The following KIF9 variants were observed in gnomAD, a reference collection of about 807,000 sequenced individuals.
KIF9 encodes the protein kinesin family member 9.
KIF9 carries 68 observed loss-of-function variants against 94.8 expected under a neutral mutation model. That is an observed-to-expected ratio of 0.72 (90% CI 0.59 to 0.88). The LOEUF (loss-of-function observed/expected upper bound fraction) is 0.88, where lower values mean the gene tolerates loss of function less well. KIF9 is among the 40% of genes least tolerant of loss of function. KIF9 has a pLI of 0.00. For missense variants in KIF9, 882 were observed against 982.5 expected (o/e 0.90, Z 1.37); for synonymous variants, 343 against 362.1 (o/e 0.95, Z 0.60).
intron 10 of KIF9, among the ~76,000 whole-genome samples, chr3:47,251,931 C>T (rs1248618546): frequency 2.0e-5 from 3 of 152,236 alleles, no homozygotes; most frequent in African/African-American, 2.4e-5. Context: ...TCACAGAGGA[C>T]GACCCTGAGG....
chr3:47,274,607 G>A (rs548956886), intron 3 of KIF9, among the ~76,000 whole-genome samples: 2 of 152,336 alleles, frequency 1.3e-5, no homozygotes, highest in African/African-American at 4.8e-5. Flanking sequence ...TGAACAGGAA[G>A]GAGTCACTTC....
chr3:47,261,692 G>T (rs1482425187), intron 9 of KIF9, among the ~76,000 whole-genome samples: 4 of 152,214 alleles, frequency 2.6e-5, no homozygotes, highest in Admixed American at 1.3e-4. Context: ...ACCACTGACA[G>T]ATCTCACATC....
intron 10 of KIF9, among the ~76,000 whole-genome samples, chr3:47,248,934 C>CA: frequency 6.6e-6 from 1 of 152,202 alleles, no homozygotes; most frequent in East Asian, 1.9e-4. Context: ...AGGGGTCCTA[C>CA]TATGTTGCCC....
intron 17 of KIF9, among the ~76,000 whole-genome samples, chr3:47,239,172 C>A (rs1267897934): frequency 6.6e-6 from 1 of 152,154 alleles, no homozygotes; most frequent in African/African-American, 2.4e-5. Context: ...TGCACTCCAG[C>A]CTGGGCAACA....
At chr3:47,241,341 G>C (rs937284813) in intron 16 of KIF9, among the ~76,000 whole-genome samples, 4 of 149,452 alleles carry the variant, frequency 2.7e-5, no homozygotes, top group Non-Finnish European at 5.9e-5. Flanking sequence ...TTTTTCTCGA[G>C]ACAGAGTTTT....
rs936267528 is a variant in KIF9, at chr3:47,281,660, C to T, written c.-6+835G>A. On this transcript the variant is annotated intron_variant, in intron 1 of 20. Transcript: ENST00000684063. Reference sequence around the variant, plus strand: ...ACGGCGCCCGGCCCCCTCCCTTTCTCCCTCAGGACCTTGTGGGGAATGTCT... The same window carrying T: ...ACGGCGCCCGGCCCCCTCCCTTTCTTCCTCAGGACCTTGTGGGGAATGTCT... Among the ~76,000 whole-genome samples, 4 of 152,188 alleles carry T rather than the reference C, an allele frequency of 2.6e-5. 1 individual carries two copies. The highest frequency in any genetic ancestry group is 2.0e-4 in the Admixed American group (3 of 15,278).
chr3:47,255,011 G>A (rs1410885534), intron 10 of KIF9, among the ~76,000 whole-genome samples: 4 of 152,048 alleles, frequency 2.6e-5, no homozygotes, highest in Non-Finnish European at 5.9e-5. Flanking sequence ...CCAAACCATG[G>A]GTTAGTTCTA....
intron 5 of KIF9, among the ~76,000 whole-genome samples, chr3:47,269,500 T>C (rs1397404245): frequency 1.3e-5 from 2 of 152,198 alleles, no homozygotes; most frequent in African/African-American, 4.8e-5. Flanking sequence ...CAGGCTGGTC[T>C]TGAACTCATG....
At chr3:47,245,143 G>T in intron 14 of KIF9, 1 of 615,612 alleles carries the variant, frequency 1.6e-6, no homozygotes, top group South Asian at 2.1e-5. Context: ...CACCAGTATG[G>T]CACCTCATTC....
In KIF9 at chr3:47,264,328, G is replaced by C; in HGVS notation, c.939C>G (p.Leu313=). ...DSLGGNCNMV[L]VTNIYGEAAQ... ...CAGCTTCTCCATAGATGTTTGTCAC[G>C]AGGACCATATTGCAGTTTCCCCCTG... The change falls in exon 9 of 21, where the codon CTC becomes CTG. Residue 313 remains leucine (L), a synonymous_variant. Transcript: ENST00000684063. The C allele has an allele frequency of 6.2e-7, 1 of 1,613,728 alleles. No individual in the cohort carries two copies. The highest frequency in any genetic ancestry group is 8.5e-7 in the Non-Finnish European group (1 of 1,179,640).
chr3:47,241,843 A>T (rs9829638), intron 16 of KIF9, among the ~76,000 whole-genome samples: 1 of 125,994 alleles, frequency 7.9e-6, no homozygotes, highest in Non-Finnish European at 1.7e-5. Flanking sequence ...ACATATATAA[A>T]ATATATATAT....
At chr3:47,242,244 C>CA (rs1699624443) in intron 16 of KIF9, among the ~76,000 whole-genome samples, 1 of 151,600 alleles carries the variant, frequency 6.6e-6, no homozygotes. Context: ...TTACTTTTTT[C>CA]AAAAAAGCAT....
intron 10 of KIF9, 96 bp downstream of exon 10, chr3:47,257,387 G>A (rs991270874): frequency 1.9e-6 from 2 of 1,080,768 alleles, no homozygotes; most frequent in South Asian, 1.3e-5. Context: ...GGGATCTTTG[G>A]TTGAGGCAGG....
At chr3:47,276,313 T>TG (rs1401937190) in intron 2 of KIF9, among the ~76,000 whole-genome samples, 1 of 151,936 alleles carries the variant, frequency 6.6e-6, no homozygotes, top group African/African-American at 2.4e-5. Flanking sequence ...CCCAGCACTT[T>TG]GGGAGGCCGT....
chr3:47,235,528 G>A lies in KIF9; in HGVS notation c.2307C>T (p.Val769=), dbSNP rs1209305005. Residue 769 remains valine (V), a synonymous_variant, in exon 20 of 21, where the codon GTC becomes GTT. Transcript: ENST00000684063. ...TCTGAGTTACCTTCTGCTCTATCTTGACTTTGGCATTGTAGAAGGAGATGG... is the reference window on the plus strand; with the variant it reads ...TCTGAGTTACCTTCTGCTCTATCTTAACTTTGGCATTGTAGAAGGAGATGG... ...PDSISFYNAK[V]KIEQKHNYLK... 6.2e-7 allele frequency: 1 copy of A among 1,613,274 alleles called. No homozygotes were observed. The highest frequency in any genetic ancestry group is 8.5e-7 in the Non-Finnish European group (1 of 1,179,240).
chr3:47,263,990 C>G, intron 9 of KIF9: 1 of 519,596 alleles, frequency 1.9e-6, no homozygotes, highest in South Asian at 1.5e-5. Context: ...GAGCAGCACC[C>G]CAGGAAACAT....
intron 17 of KIF9, 50 bp downstream of exon 17, chr3:47,240,751 C>T: frequency 6.7e-7 from 1 of 1,497,534 alleles, no homozygotes; most frequent in African/African-American, 1.4e-5. Context: ...CTTCAACCAG[C>T]ATGACTCTGA....
At chr3:47,246,698 TC>T in intron 12 of KIF9, 1 of 152,166 alleles carries the variant, frequency 6.6e-6, no homozygotes. Flanking sequence ...GTTACTGGCC[TC>T]CCCCCAGCCT....
At chr3:47,247,986 T>G in intron 11 of KIF9, 32 bp downstream of exon 11, 1 of 1,538,680 alleles carries the variant, frequency 6.5e-7, no homozygotes, top group East Asian at 2.3e-5. Context: ...CCCCAGCACC[T>G]CTGCCCTCCT....
Sources: allele counts gnomAD v4.1 joint callset (sites outside exome capture counted in the v4.1 genomes callset), GRCh38; gene constraint gnomAD v4.1.1; transcripts MANE v1.5; gene names NCBI Gene and HGNC (gene_info 2026-07-23, HGNC 2026-07-21).